CUL1: variants seen among roughly 807,000 people sequenced by gnomAD.
The protein encoded by CUL1 is cullin 1, also known as cullin-1.
CUL1 carries 24 observed loss-of-function variants against 118.0 expected under a neutral mutation model. The ratio of observed to expected loss-of-function variants is 0.20; its 90% confidence interval spans 0.15 to 0.29. The LOEUF (loss-of-function observed/expected upper bound fraction) is 0.29, where lower values mean the gene tolerates loss of function less well. Among genes scored for constraint, CUL1 ranks in the 10% least tolerant of loss-of-function variants. The pLI is 1.00. For missense variants in CUL1, 361 were observed against 933.8 expected, an observed-to-expected ratio of 0.39 and a Z score of 7.99; for synonymous variants, 332 against 340.4, an observed-to-expected ratio of 0.98 and a Z score of 0.27.
At chr7:148,794,745 T>C (rs541374526) in intron 17 of CUL1, among the ~76,000 whole-genome samples, 12 of 152,242 alleles carry the variant, frequency 7.9e-5, no homozygotes, top group Non-Finnish European at 1.3e-4. Context: ...CTTTCAACTG[T>C]GTCTCATGGT....
At chr7:148,700,196 CCTGTA>C (rs1797677145) in intron 1 of CUL1, among the ~76,000 whole-genome samples, 1 of 152,154 alleles carries the variant, frequency 6.6e-6, no homozygotes, top group Admixed American at 6.5e-5. Flanking sequence ...ATTGCTCTTT[CCTGTA>C]GTAGCATTAA....
chr7:148,745,645 G>A (rs1216565941), intron 2 of CUL1, among the ~76,000 whole-genome samples: 1 of 152,154 alleles, frequency 6.6e-6, no homozygotes, highest in Non-Finnish European at 1.5e-5. Flanking sequence ...GGAGGTAGGG[G>A]GTAGAAAGGA....
At chr7:148,754,439 C>T (rs1340849570) in intron 3 of CUL1, among the ~76,000 whole-genome samples, 1 of 152,014 alleles carries the variant, frequency 6.6e-6, no homozygotes, top group Non-Finnish European at 1.5e-5. Context: ...TCCTGAGTAG[C>T]TGAGACTCTG....
chr7:148,798,715 C>T (rs1368280055), intron 20 of CUL1, 38 bp downstream of exon 20: 1 of 1,550,696 alleles, frequency 6.4e-7, no homozygotes, highest in Non-Finnish European at 8.9e-7. Flanking sequence ...TGTGCTGTCC[C>T]TCACGCAGGG....
chr7:148,724,073 G>C (rs1367955082), intron 1 of CUL1, among the ~76,000 whole-genome samples: 1 of 152,202 alleles, frequency 6.6e-6, no homozygotes, highest in African/African-American at 2.4e-5. Flanking sequence ...GAAGACTGTT[G>C]TAAGTGCTCT....
At chr7:148,709,048 A>G (rs1005809606) in intron 1 of CUL1, among the ~76,000 whole-genome samples, 2 of 152,248 alleles carry the variant, frequency 1.3e-5, no homozygotes, top group South Asian at 2.1e-4. Context: ...TATGGTAAAC[A>G]TAGGTGAGCG....
At chr7:148,711,712 TA>T (rs1391473071) in intron 1 of CUL1, among the ~76,000 whole-genome samples, 2 of 152,224 alleles carry the variant, frequency 1.3e-5, no homozygotes, top group African/African-American at 4.8e-5. Context: ...TATTGATGAA[TA>T]GATTCATGTT....
chr7:148,776,634 A>G (rs1406341785), intron 9 of CUL1, among the ~76,000 whole-genome samples: 1 of 151,938 alleles, frequency 6.6e-6, no homozygotes, highest in East Asian at 1.9e-4. Context: ...TCATTTTTAT[A>G]TCCAACATAC....
intron 2 of CUL1, among the ~76,000 whole-genome samples, chr7:148,743,605 A>G (rs1293752692): frequency 2.0e-5 from 3 of 152,126 alleles, no homozygotes; most frequent in Admixed American, 6.6e-5. Context: ...AATTCTGTCA[A>G]ATTTTCATAT....
At chr7:148,796,006 T>C (rs1801186221) in intron 17 of CUL1, among the ~76,000 whole-genome samples, 1 of 137,300 alleles carries the variant, frequency 7.3e-6, no homozygotes, top group Admixed American at 7.1e-5. Context: ...GCCTGATTCT[T>C]CTGGCTAGAA....
At chr7:148,703,413 C>A (rs1482328382) in intron 1 of CUL1, among the ~76,000 whole-genome samples, 1 of 152,128 alleles carries the variant, frequency 6.6e-6, no homozygotes, top group Non-Finnish European at 1.5e-5. Context: ...ATATAACAAG[C>A]TGCAATTTTT....
intron 15 of CUL1, 41 bp downstream of exon 15, chr7:148,789,867 G>A: frequency 6.4e-7 from 1 of 1,572,390 alleles, no homozygotes; most frequent in Non-Finnish European, 8.8e-7. Context: ...GTGCTAAGTG[G>A]AGGGTGGGGC....
intron 9 of CUL1, among the ~76,000 whole-genome samples, chr7:148,768,253 T>C (rs1026883924): frequency 7.9e-5 from 12 of 152,240 alleles, no homozygotes; most frequent in Non-Finnish European, 1.3e-4. Context: ...TCAGGTCATC[T>C]GTAATTCAGG....
chr7:148,797,724 GA>G, intron 17 of CUL1, 87 bp from the exon 18 acceptor site: 3 of 843,704 alleles, frequency 3.6e-6, no homozygotes, highest in African/African-American at 1.8e-5. Flanking sequence ...TTTTTTAATG[GA>G]AAATGGACTG....
At chr7:148,725,217 GCGCTCACA>G (rs1352014700) in intron 1 of CUL1, among the ~76,000 whole-genome samples, 60 of 75,590 alleles carry the variant, frequency 7.9e-4, no homozygotes, top group African/African-American at 2.5e-3. Context: ...ACACACGCGC[GCGCTCACA>G]CACACACACA....
chr7:148,752,395 G>C (rs1423263542), intron 2 of CUL1, among the ~76,000 whole-genome samples: 8 of 152,064 alleles, frequency 5.3e-5, no homozygotes, highest in Admixed American at 5.2e-4. Context: ...GTTGTTTATT[G>C]TAATCTGTGA....
Position 148,708,529 on chromosome 7 carries a change from G to T in CUL1, c.-162+9500G>T, listed in dbSNP as rs577248509. ...CTGATTGCTGCTTCATTCAGGACTT[G>T]CCTGGCTTCCTTGATTACAGAGGCT... On this transcript the variant is annotated intron_variant, in intron 1 of 21. Transcript: ENST00000325222. Among the ~76,000 whole-genome samples, 210 of 152,332 alleles carry T rather than the reference G, an allele frequency of 1.4e-3. 1 individual carries two copies. Among genetic ancestry groups the T allele is most frequent in the African/African-American group, 4.9e-3 (204 of 41,584 alleles).
At chr7:148,759,048 T>C (rs1487660226) in intron 4 of CUL1, among the ~76,000 whole-genome samples, 1 of 152,228 alleles carries the variant, frequency 6.6e-6, no homozygotes, top group Non-Finnish European at 1.5e-5. Flanking sequence ...TTTTAAACTT[T>C]TCCTATACTG....
intron 4 of CUL1, among the ~76,000 whole-genome samples, chr7:148,757,968 G>A (rs1312096772): frequency 6.6e-6 from 1 of 152,210 alleles, no homozygotes; most frequent in South Asian, 2.1e-4. Flanking sequence ...GGGAATTACG[G>A]GAGCTATAGT....
Sources: gnomAD v4.1 joint callset for allele counts (sites outside exome capture counted in the v4.1 genomes callset) on GRCh38, gnomAD v4.1.1 for gene constraint, MANE v1.5 for transcripts, NCBI Gene and HGNC (gene_info 2026-07-23, HGNC 2026-07-21) for gene names.